The following EVA1A variants were observed in gnomAD, a reference collection of about 807,000 sequenced individuals.
EVA1A encodes protein eva-1 homolog A.
A neutral mutation model predicts 9.8 loss-of-function variants in EVA1A; 7 were observed. That is an observed-to-expected ratio of 0.71 (90% CI 0.41 to 1.34). The LOEUF (loss-of-function observed/expected upper bound fraction) is 1.34. Among genes scored for constraint, EVA1A ranks in the 40% most tolerant of loss-of-function variants. EVA1A has a pLI of 0.01. For synonymous variants in EVA1A, 90 were observed against 85.6 expected, an observed-to-expected ratio of 1.05 and a Z score of -0.28; for missense variants, 206 against 205.9, an observed-to-expected ratio of 1.00 and a Z score of 0.00.
intron 2 of EVA1A, chr2:75,518,554 G>A: frequency 1.0e-6 from 1 of 977,324 alleles, no homozygotes; most frequent in Non-Finnish European, 1.2e-6. Flanking sequence ...CAAGGAAGTA[G>A]AAACTCCTTA....
At chr2:75,569,297 G>A (rs1258249909) in intron 1 of EVA1A, among the ~76,000 whole-genome samples, 8 of 151,868 alleles carry the variant, frequency 5.3e-5, no homozygotes, top group Non-Finnish European at 2.9e-5. Context: ...CTCAGCTCAC[G>A]GTAGTCTGGT....
At position 75,552,328 on chromosome 2, in the gene EVA1A, A is replaced by T. The variant is rs140415363; in HGVS notation, c.-192+8352T>A. On this transcript the variant is annotated intron_variant, in intron 1 of 3. Coordinates refer to ENST00000393913, the MANE Select transcript of EVA1A (RefSeq NM_001135032.2). ...CAACATATCTGAAACTGAGTTCATC[A>T]TCCTTCCTATAAATGCTGCTCCCTC... Among the ~76,000 whole-genome samples, 745 of 152,184 alleles carry T rather than the reference A, an allele frequency of 4.9e-3. 7 individuals carry two copies. The highest frequency in any genetic ancestry group is 0.017 in the African/African-American group (719 of 41,534).
intron 1 of EVA1A, among the ~76,000 whole-genome samples, chr2:75,526,733 A>C (rs750011798): frequency 4.0e-4 from 61 of 152,224 alleles, no homozygotes; most frequent in Non-Finnish European, 7.8e-4. Context: ...ATTGAACAGA[A>C]GTCAAAGCTG....
chr2:75,532,197 A>G (rs927501044), intron 1 of EVA1A, among the ~76,000 whole-genome samples: 11 of 149,582 alleles, frequency 7.4e-5, no homozygotes, highest in African/African-American at 2.7e-4. Context: ...AAGCTTATCC[A>G]TGTAATTAAA....
intron 3 of EVA1A, 111 bp from the exon 4 acceptor site, chr2:75,493,720 T>G (rs1427264774): frequency 2.0e-6 from 2 of 982,970 alleles, no homozygotes; most frequent in Admixed American, 3.2e-5. Context: ...TTTTGATGGT[T>G]ACAAATATTG....
rs1260755392 is a variant in EVA1A at position 75,492,804 on chromosome 2, A to C, written c.*432T>G. ...CTATTTGAATCAGAATCACCTCCAT[A>C]GCATGAAGTCATTTAGGAAATTGCA... is the stretch of plus-strand genomic sequence containing the variant. On this transcript the variant is annotated 3_prime_UTR_variant, in exon 4 of 4. Coordinates refer to ENST00000393913, the MANE Select transcript of EVA1A (RefSeq NM_001135032.2). 1.2e-5 allele frequency: 2 copies of C among 162,254 alleles called. No individual in the cohort carries two copies. Among genetic ancestry groups the C allele is most frequent in the African/African-American group, 4.8e-5 (2 of 41,714 alleles). 10.1% of individuals were successfully genotyped at this position (162,254 alleles called of 1,614,324 possible).
At chr2:75,505,559 T>A (rs1204084989) in intron 3 of EVA1A, among the ~76,000 whole-genome samples, 1 of 151,992 alleles carries the variant, frequency 6.6e-6, no homozygotes, top group Non-Finnish European at 1.5e-5. Context: ...ATTAAAAGAG[T>A]AGGGAAATTT....
intron 3 of EVA1A, among the ~76,000 whole-genome samples, chr2:75,515,687 A>C (rs1210336275): frequency 6.6e-6 from 1 of 152,196 alleles, no homozygotes; most frequent in East Asian, 1.9e-4. Context: ...TTTTCATGTA[A>C]TTTTAAATGC....
chr2:75,544,547 G>A (rs1676259413), intron 1 of EVA1A, among the ~76,000 whole-genome samples: 1 of 152,090 alleles, frequency 6.6e-6, no homozygotes, highest in Non-Finnish European at 1.5e-5. Flanking sequence ...AGCTCAAAAT[G>A]CCAGATTAAA....
chr2:75,506,776 A>T (rs1391395020), intron 3 of EVA1A, among the ~76,000 whole-genome samples: 1 of 152,226 alleles, frequency 6.6e-6, no homozygotes, highest in Non-Finnish European at 1.5e-5. Context: ...GAAGGTGCCC[A>T]GTGAAGTGCT....
chr2:75,568,956 T>C (rs1206816632), intron 1 of EVA1A, among the ~76,000 whole-genome samples: 5 of 152,202 alleles, frequency 3.3e-5, no homozygotes, highest in Non-Finnish European at 7.3e-5. Context: ...CATGTGTCTT[T>C]TTCACATAAT....
chr2:75,547,308 G>T (rs1416066793), intron 1 of EVA1A, among the ~76,000 whole-genome samples: 1 of 152,176 alleles, frequency 6.6e-6, no homozygotes, highest in Non-Finnish European at 1.5e-5. Context: ...TGCATCTCAG[G>T]AATGGTACAG....
At chr2:75,535,486 C>T (rs956929185) in intron 1 of EVA1A, among the ~76,000 whole-genome samples, 1 of 152,164 alleles carries the variant, frequency 6.6e-6, no homozygotes, top group Non-Finnish European at 1.5e-5. Context: ...GACACTTGCA[C>T]ACATATGTTT....
chr2:75,555,359 T>G (rs1285046194), intron 1 of EVA1A, among the ~76,000 whole-genome samples: 4 of 107,942 alleles, frequency 3.7e-5, no homozygotes, highest in African/African-American at 9.0e-5. Context: ...CTTCTTTCCC[T>G]CTGTTTCTCC....
At chr2:75,562,696 C>A (rs1676950594), upstream of EVA1A, among the ~76,000 whole-genome samples, 1 of 152,232 alleles carries the variant, frequency 6.6e-6, no homozygotes, top group South Asian at 2.1e-4. Flanking sequence ...CAAGGGCCAT[C>A]ATCAGAGCTC....
intron 3 of EVA1A, among the ~76,000 whole-genome samples, chr2:75,505,601 A>T (rs1230474436): frequency 6.6e-6 from 1 of 152,158 alleles, no homozygotes; most frequent in African/African-American, 2.4e-5. Flanking sequence ...TCACAAGGTC[A>T]GGAGTTCAAT....
intron 1 of EVA1A, chr2:75,524,047 C>T (rs4378832): frequency 0.18 from 27,995 of 152,026 alleles, 2,988 homozygotes; most frequent in African/African-American, 0.28. Context: ...TTATAAGGGG[C>T]ATTTCCCCCT....
At chr2:75,523,648 C>T (rs1675309665) in intron 1 of EVA1A, among the ~76,000 whole-genome samples, 1 of 152,182 alleles carries the variant, frequency 6.6e-6, no homozygotes, top group African/African-American at 2.4e-5. Flanking sequence ...GAATCATTTC[C>T]AGAGATGTAT....
chr2:75,517,804 A>C (rs1381217308), intron 3 of EVA1A: 1 of 720,406 alleles, frequency 1.4e-6, no homozygotes, highest in Non-Finnish European at 2.6e-6. Context: ...GGCCACTTCA[A>C]TCACTCACTT....
Sources: allele counts gnomAD v4.1 joint callset (sites outside exome capture counted in the v4.1 genomes callset), GRCh38; gene constraint gnomAD v4.1.1; transcripts MANE v1.5; gene names NCBI Gene and HGNC (gene_info 2026-07-23, HGNC 2026-07-21).